The following PPHLN1 variants were observed in gnomAD, a reference collection of about 807,000 sequenced individuals.
PPHLN1 encodes periphilin-1.
Under a neutral mutation model 51.3 loss-of-function variants are expected in PPHLN1, and 29 were observed. The ratio of observed to expected loss-of-function variants is 0.57; its 90% confidence interval spans 0.42 to 0.77. The LOEUF is 0.77. Ranked by LOEUF, PPHLN1 falls within the 30% of genes least tolerant of loss-of-function variation. The probability of loss-of-function intolerance (pLI) is 0.00; values close to 1 mark genes in which losing one functional copy is unlikely to be tolerated. For missense variants in PPHLN1, 436 were observed against 438.4 expected, an observed-to-expected ratio of 0.99 and a Z score of 0.05; for synonymous variants, 147 against 147.8, an observed-to-expected ratio of 0.99 and a Z score of 0.04.
intron 4 of PPHLN1, among the ~76,000 whole-genome samples, chr12:42,360,122 A>AG (rs2074477933): frequency 6.6e-6 from 1 of 151,318 alleles, no homozygotes; most frequent in African/African-American, 2.4e-5. Flanking sequence ...AAAAAAAAAA[A>AG]AGAAAAATTG....
chr12:42,406,757 T>C (rs920299666), intron 9 of PPHLN1, among the ~76,000 whole-genome samples: 7 of 152,180 alleles, frequency 4.6e-5, no homozygotes, highest in African/African-American at 1.7e-4. Flanking sequence ...CTTAATTTTA[T>C]TGTAATCTAT....
At chr12:42,445,252 A>C, downstream of PPHLN1, 1 of 602,416 alleles carries the variant, frequency 1.7e-6, no homozygotes, top group Non-Finnish European at 3.0e-6. Flanking sequence ...CAAGCCACCC[A>C]ATCACATCAA....
downstream of PPHLN1, chr12:42,444,532 TC>T (rs1465001083): frequency 1.3e-5 from 2 of 152,404 alleles, no homozygotes; most frequent in African/African-American, 4.9e-5. Flanking sequence ...GGGCTGCACT[TC>T]CTAGAATAGG....
At chr12:42,414,719 C>T (rs572219114) in intron 9 of PPHLN1, among the ~76,000 whole-genome samples, 1 of 152,104 alleles carries the variant, frequency 6.6e-6, no homozygotes, top group South Asian at 2.1e-4. Context: ...TCATCGTTGA[C>T]GAACAGCAAT....
chr12:42,351,763 G>C, intron 2 of PPHLN1, 122 bp from the exon 3 acceptor site: 4 of 649,960 alleles, frequency 6.2e-6, no homozygotes, highest in Non-Finnish European at 7.0e-6. Flanking sequence ...TTTCATTAAC[G>C]CTTTTGTTTA....
chr12:42,392,636 T>G (rs1287078734), intron 7 of PPHLN1, among the ~76,000 whole-genome samples: 2 of 152,250 alleles, frequency 1.3e-5, no homozygotes, highest in Non-Finnish European at 2.9e-5. Flanking sequence ...AAATTTGTGC[T>G]TGACAATTCA....
chr12:42,342,440 T>C (rs534129234), intron 2 of PPHLN1, among the ~76,000 whole-genome samples: 8 of 152,318 alleles, frequency 5.3e-5, no homozygotes, highest in African/African-American at 1.9e-4. Context: ...TTTAAATACA[T>C]GTAAACTTCC....
At chr12:42,415,816 C>T (rs2080327402) in intron 9 of PPHLN1, among the ~76,000 whole-genome samples, 1 of 152,186 alleles carries the variant, frequency 6.6e-6, no homozygotes, top group African/African-American at 2.4e-5. Context: ...TTGGTCCTAT[C>T]TTCATTTTAC....
rs193123049 is a variant in PPHLN1, at chr12:42,413,307, G to A, written c.909+14313G>A. Among the ~76,000 whole-genome samples, 31 of 152,262 alleles carry A rather than the reference G, an allele frequency of 2.0e-4. No individual in the cohort carries two copies. The East Asian group carries it at 5.8e-3, about 28-fold the overall frequency. On this transcript the variant is annotated intron_variant, in intron 9 of 9. Transcript: ENST00000358314. ...GATTTTTGTATAAAGGTGAGAGATA[G>A]AGATCCGGTTTCATTCTTCTATATG...
At chr12:42,444,862 C>T, downstream of PPHLN1, 1 of 579,932 alleles carries the variant, frequency 1.7e-6, no homozygotes, top group Non-Finnish European at 3.0e-6. Context: ...ATGCTTTTTA[C>T]CGATGGCTCT....
At chr12:42,335,813 C>A in intron 1 of PPHLN1, 70 bp from the exon 2 acceptor site, 1 of 680,832 alleles carries the variant, frequency 1.5e-6, no homozygotes, top group Non-Finnish European at 2.2e-6. Context: ...GGAAAGTAAT[C>A]ATTTACTCCT....
chr12:42,432,315 G>T, intron 9 of PPHLN1: 1 of 744,924 alleles, frequency 1.3e-6, no homozygotes, highest in Non-Finnish European at 2.5e-6. Context: ...TGTTATGGCT[G>T]CTCATTAATC....
intron 2 of PPHLN1, among the ~76,000 whole-genome samples, chr12:42,345,098 G>A (rs947475778): frequency 1.3e-5 from 2 of 152,104 alleles, no homozygotes; most frequent in African/African-American, 4.8e-5. Flanking sequence ...AGCATTTCCT[G>A]TAACCGATAG....
intron 4 of PPHLN1, among the ~76,000 whole-genome samples, chr12:42,364,078 G>A (rs1026993539): frequency 6.6e-6 from 1 of 151,824 alleles, no homozygotes; most frequent in Admixed American, 6.6e-5. Flanking sequence ...ACAAAAATTA[G>A]CCAGGCATGG....
chr12:42,350,543 C>T (rs2073168876), intron 2 of PPHLN1, among the ~76,000 whole-genome samples: 1 of 152,096 alleles, frequency 6.6e-6, no homozygotes, highest in South Asian at 2.1e-4. Flanking sequence ...CAGAGACGCT[C>T]CTCACTTCCT....
chr12:42,401,682 T>C (rs1230411169), intron 9 of PPHLN1, among the ~76,000 whole-genome samples: 1 of 152,160 alleles, frequency 6.6e-6, no homozygotes, highest in Non-Finnish European at 1.5e-5. Context: ...ATTGTCTTCC[T>C]CAAAACTGGT....
At chr12:42,397,573 T>C (rs773585860) in intron 8 of PPHLN1, among the ~76,000 whole-genome samples, 3 of 137,348 alleles carry the variant, frequency 2.2e-5, no homozygotes, top group Non-Finnish European at 4.9e-5. Context: ...GTTTTACATA[T>C]TGTGTATAGG....
chr12:42,335,607 A>G (rs2070485561), intron 1 of PPHLN1, among the ~76,000 whole-genome samples: 2 of 151,214 alleles, frequency 1.3e-5, no homozygotes, highest in Admixed American at 6.6e-5. Context: ...TGTGCCACCA[A>G]TTTCCTCCCA....
In PPHLN1 at chr12:42,370,085, T is replaced by A. The variant is rs78935176; in HGVS notation, c.300-4778T>A. On this transcript the variant is annotated intron_variant, in intron 4 of 9. Transcript: ENST00000358314. Reference sequence around the variant, plus strand: ...AACTCTGAATTTCTGCTTTCTGACTTCTGAACGGTTCACTTACATACAGCC... The same window carrying A: ...AACTCTGAATTTCTGCTTTCTGACTACTGAACGGTTCACTTACATACAGCC... Among the ~76,000 whole-genome samples, 36 of 152,376 alleles carry A rather than the reference T, an allele frequency of 2.4e-4. No individual in the cohort carries two copies. The East Asian group carries it at 6.7e-3, about 29-fold the overall frequency.
Sources: allele counts gnomAD v4.1 joint callset (sites outside exome capture counted in the v4.1 genomes callset), GRCh38; gene constraint gnomAD v4.1.1; transcripts MANE v1.5; gene names NCBI Gene and HGNC (gene_info 2026-07-23, HGNC 2026-07-21).